Variants in PLPPR1 observed in about 807,000 individuals in gnomAD.
PLPPR1 encodes phospholipid phosphatase-related protein type 1.
Under a neutral mutation model 33.1 loss-of-function variants are expected in PLPPR1, and 10 were observed. That is an observed-to-expected ratio of 0.30 (90% CI 0.19 to 0.51). The LOEUF (loss-of-function observed/expected upper bound fraction) is 0.51, where lower values mean the gene tolerates loss of function less well. PLPPR1 is among the 20% of genes least tolerant of loss of function. PLPPR1 has a pLI of 0.97. For synonymous variants in PLPPR1, 151 were observed against 151.0 expected (o/e 1.00, Z 0.00); for missense variants, 304 against 408.1 (o/e 0.74, Z 2.20).
rs752002832 is a variant in PLPPR1, at chr9:101,275,097, C to T, written c.252+5029C>T. Among the ~76,000 whole-genome samples the T allele has an allele frequency of 1.2e-3, 185 of 152,314 alleles. 4 individuals are homozygous for T. In the Middle Eastern group the frequency reaches 0.014, roughly 11 times the overall value. ...CACAGTTGTTTATTCCTTCTTAAAA[C>T]CATTTCCTGTTCTCTATGGAGTATA... On this transcript the variant is annotated intron_variant, in intron 3 of 7. Transcript: ENST00000374874.
chr9:101,100,755 T>C (rs1459138960), intron 1 of PLPPR1, among the ~76,000 whole-genome samples: 1 of 151,626 alleles, frequency 6.6e-6, no homozygotes, highest in Non-Finnish European at 1.5e-5. Context: ...TTCATATTTA[T>C]CAAGCAGTTA....
At chr9:101,052,670 A>G (rs1012364381) in intron 1 of PLPPR1, among the ~76,000 whole-genome samples, 20 of 152,138 alleles carry the variant, frequency 1.3e-4, no homozygotes, top group African/African-American at 3.9e-4. Context: ...ACAAGCCCCA[A>G]TGTGCAAAAA....
At chr9:101,162,745 C>T (rs1825785633) in intron 1 of PLPPR1, among the ~76,000 whole-genome samples, 1 of 152,176 alleles carries the variant, frequency 6.6e-6, no homozygotes, top group African/African-American at 2.4e-5. Flanking sequence ...ATTGACCCAT[C>T]ACGGAGCTCT....
chr9:101,288,712 A>C (rs1200316326), intron 4 of PLPPR1, among the ~76,000 whole-genome samples: 1 of 152,210 alleles, frequency 6.6e-6, no homozygotes, highest in East Asian at 1.9e-4. Context: ...ACCTCATTCT[A>C]TACCTGCTAA....
chr9:101,246,075 T>G lies in PLPPR1; in HGVS notation c.64-23805T>G, dbSNP rs866161941. Among the ~76,000 whole-genome samples, 642 of 90,312 alleles carry G rather than the reference T, an allele frequency of 7.1e-3. 25 individuals are homozygous for G. The highest frequency in any genetic ancestry group is 0.014 in the South Asian group (36 of 2,492). 59.2% of individuals were successfully genotyped at this position (90,312 alleles called of 152,430 possible). A position where few individuals can be genotyped will look rare whatever the true frequency, so the allele number is the denominator to read the frequency against. On this transcript the variant is annotated intron_variant, in intron 2 of 7. Transcript: ENST00000374874. ...ATATGAATATATATATATATATATA[T>G]ATATATATATATATATATATATATA...
chr9:101,129,300 A>G (rs1006018107), intron 1 of PLPPR1, among the ~76,000 whole-genome samples: 1 of 149,900 alleles, frequency 6.7e-6, no homozygotes, highest in African/African-American at 2.4e-5. Context: ...CTTAAGTAAC[A>G]GTTGAGAAAC....
chr9:101,122,292 A>C (rs575498106), intron 1 of PLPPR1, among the ~76,000 whole-genome samples: 1 of 152,276 alleles, frequency 6.6e-6, no homozygotes, highest in East Asian at 1.9e-4. Context: ...GCATTTTAAA[A>C]CATATTTATT....
chr9:101,275,192 A>G (rs554582343), intron 3 of PLPPR1, among the ~76,000 whole-genome samples: 25 of 152,322 alleles, frequency 1.6e-4, no homozygotes, highest in African/African-American at 5.3e-4. Context: ...GTGTAGCTCA[A>G]TGTGGACTTG....
At chr9:101,181,867 T>TAC (rs752371995) in intron 1 of PLPPR1, among the ~76,000 whole-genome samples, 15 of 149,044 alleles carry the variant, frequency 1.0e-4, no homozygotes, top group African/African-American at 1.5e-4. Flanking sequence ...TATATATATA[T>TAC]ACACACACAT....
At chr9:101,069,597 C>A (rs1440132877) in intron 1 of PLPPR1, among the ~76,000 whole-genome samples, 1 of 152,096 alleles carries the variant, frequency 6.6e-6, no homozygotes, top group Admixed American at 6.6e-5. Context: ...ACCTGAATCC[C>A]ACTCTCAGAA....
At chr9:101,317,545 G>T in intron 7 of PLPPR1, 49 bp downstream of exon 7, 1 of 1,576,618 alleles carries the variant, frequency 6.3e-7, no homozygotes, top group Non-Finnish European at 8.6e-7. Context: ...TGAACACTTT[G>T]GGAGGTCAGT....
chr9:101,115,860 A>G (rs529432611), intron 1 of PLPPR1, among the ~76,000 whole-genome samples: 54 of 152,346 alleles, frequency 3.5e-4, no homozygotes, highest in Non-Finnish European at 5.6e-4. Context: ...AGATTCAACT[A>G]AAAGAGATAA....
intron 3 of PLPPR1, among the ~76,000 whole-genome samples, chr9:101,276,975 G>A (rs972275731): frequency 1.9e-4 from 29 of 152,222 alleles, no homozygotes; most frequent in Non-Finnish European, 4.0e-4. Flanking sequence ...AGTTCTGCAA[G>A]TAAGGGGACA....
chr9:101,063,683 G>A (rs781332666), intron 1 of PLPPR1, among the ~76,000 whole-genome samples: 1 of 151,928 alleles, frequency 6.6e-6, no homozygotes, highest in African/African-American at 2.4e-5. Flanking sequence ...CCTCTTCTAG[G>A]AAAATTTCTG....
intron 2 of PLPPR1, among the ~76,000 whole-genome samples, chr9:101,230,706 T>C (rs1196935535): frequency 1.1e-4 from 16 of 152,030 alleles, no homozygotes; most frequent in Non-Finnish European, 1.5e-5. Context: ...CACACCTCTC[T>C]CAACTGATTC....
At chr9:101,120,409 C>T (rs1831164418) in intron 1 of PLPPR1, among the ~76,000 whole-genome samples, 1 of 152,198 alleles carries the variant, frequency 6.6e-6, no homozygotes, top group African/African-American at 2.4e-5. Context: ...TTATCAATGT[C>T]TTTATCCTTG....
In PLPPR1 at chr9:101,317,441, T is replaced by A. The variant is rs1440658982; in HGVS notation, c.890T>A (p.Val297Glu). ...SKPKPEDPRGVPLMAFPRIES... is the reference protein window; with the variant it reads ...SKPKPEDPRGEPLMAFPRIES... ...CCCAAGCCTGAGGATCCCCGTGGAG[T>A]ACCCCTAATGGCTTTCCCAAGGATA... The change falls in exon 7 of 8, where the codon GTA becomes GAA. Residue 297 changes from valine to glutamate, a missense_variant. Transcript: ENST00000374874. 1 of 1,613,834 alleles carries A rather than the reference T, an allele frequency of 6.2e-7. No homozygotes were observed. The highest frequency in any genetic ancestry group is 8.5e-7 in the Non-Finnish European group (1 of 1,179,894).
Position 101,132,107 on chromosome 9 carries a change from G to A in PLPPR1, c.-45-53343G>A, listed in dbSNP as rs112342932. 6.7e-3 allele frequency among the ~76,000 whole-genome samples: 1,016 copies of A among 152,298 alleles called. 12 individuals carry two copies. The highest frequency in any genetic ancestry group is 0.024 in the African/African-American group (985 of 41,558). ...TATTTGGATAGTAATGTCTAGTGAC[G>A]TTGTAGTGGTTTTTAAACACAGATA... On this transcript the variant is annotated intron_variant, in intron 1 of 7. Transcript: ENST00000374874.
intron 2 of PLPPR1, among the ~76,000 whole-genome samples, chr9:101,198,080 T>A (rs1277213038): frequency 6.7e-6 from 1 of 148,388 alleles, no homozygotes; most frequent in African/African-American, 2.4e-5. Context: ...TTATTTTAGA[T>A]TAATAAATTG....
Sources: allele counts gnomAD v4.1 joint callset (sites outside exome capture counted in the v4.1 genomes callset), GRCh38; gene constraint gnomAD v4.1.1; transcripts MANE v1.5; gene names NCBI Gene and HGNC (gene_info 2026-07-23, HGNC 2026-07-21).